The following LINGO2 variants were observed in gnomAD, a reference collection of about 807,000 sequenced individuals.
The protein encoded by LINGO2 is leucine rich repeat and Ig domain containing 2, also known as leucine-rich repeat and immunoglobulin-like domain-containing nogo receptor-interacting protein 2.
LINGO2 carries 14 observed loss-of-function variants against 30.6 expected under a neutral mutation model. That is an observed-to-expected ratio of 0.46 (90% CI 0.30 to 0.72). LINGO2 has a LOEUF of 0.72. Ranked by LOEUF, LINGO2 falls within the 30% of genes least tolerant of loss-of-function variation. The pLI, the probability that LINGO2 is intolerant of heterozygous loss-of-function variation, is 0.07. For missense variants in LINGO2, 729 were observed against 751.7 expected (o/e 0.97, Z 0.35); for synonymous variants, 317 against 288.5 (o/e 1.10, Z -1.00).
chr9:28,019,005 A>G (rs4880009), intron 4 of LINGO2, among the ~76,000 whole-genome samples: 147,514 of 152,156 alleles, frequency 0.97, 71,673 homozygotes, highest in South Asian at 1. Flanking sequence ...GGGGGCCATC[A>G]TCCTAAATGA....
chr9:28,108,959 A>G (rs556784726), intron 4 of LINGO2, among the ~76,000 whole-genome samples: 1 of 151,898 alleles, frequency 6.6e-6, no homozygotes, highest in South Asian at 2.1e-4. Context: ...TATAAAAAAA[A>G]GGAAAACCCT....
intron 2 of LINGO2, among the ~76,000 whole-genome samples, chr9:28,395,463 A>G (rs191729472): frequency 6.6e-6 from 1 of 152,316 alleles, no homozygotes; most frequent in East Asian, 1.9e-4. Flanking sequence ...TGCATAAAGT[A>G]TATTTCAAAA....
the LINGO2 span, among the ~76,000 whole-genome samples, chr9:28,896,435 G>A: frequency 2.0e-5 from 3 of 151,958 alleles, no homozygotes; most frequent in East Asian, 5.8e-4. Context: ...CTATTTCAGA[G>A]TCAAAAGACA....
intron 5 of LINGO2, among the ~76,000 whole-genome samples, chr9:27,962,888 A>C (rs1333125227): frequency 1.3e-5 from 2 of 152,216 alleles, no homozygotes; most frequent in Non-Finnish European, 2.9e-5. Context: ...CTCAAGCACA[A>C]TGATTAGTAC....
the LINGO2 span, among the ~76,000 whole-genome samples, chr9:28,757,027 TTAG>T: frequency 6.6e-6 from 1 of 152,044 alleles, no homozygotes; most frequent in Non-Finnish European, 1.5e-5. Flanking sequence ...ACAGTGATTA[TTAG>T]TAGGATATAA....
At chr9:28,750,013 G>C in the LINGO2 span, among the ~76,000 whole-genome samples, 1 of 152,102 alleles carries the variant, frequency 6.6e-6, no homozygotes, top group Non-Finnish European at 1.5e-5. Context: ...TAGAATAAAT[G>C]GGAAGCTCTT....
chr9:28,248,079 A>G (rs1587320254), intron 4 of LINGO2, among the ~76,000 whole-genome samples: 1 of 152,334 alleles, frequency 6.6e-6, no homozygotes. Flanking sequence ...CAGAGCTACA[A>G]TAAAATCCAG....
chr9:29,190,795 G>A, the LINGO2 span, among the ~76,000 whole-genome samples: 1 of 152,042 alleles, frequency 6.6e-6, no homozygotes, highest in African/African-American at 2.4e-5. Context: ...AACTTTCCAA[G>A]CATTCCAAAT....
chr9:28,424,975 C>G (rs1823344503), intron 2 of LINGO2, among the ~76,000 whole-genome samples: 1 of 151,864 alleles, frequency 6.6e-6, no homozygotes, highest in African/African-American at 2.4e-5. Flanking sequence ...TAATACCTGC[C>G]TTATAAAGCT....
At chr9:29,162,930 A>C in the LINGO2 span, among the ~76,000 whole-genome samples, 1 of 152,150 alleles carries the variant, frequency 6.6e-6, no homozygotes, top group African/African-American at 2.4e-5. Context: ...TTACAAAAAG[A>C]AAATGTCTGG....
the LINGO2 span, among the ~76,000 whole-genome samples, chr9:28,832,646 C>G: frequency 2.0e-5 from 3 of 152,024 alleles, no homozygotes; most frequent in African/African-American, 7.2e-5. Flanking sequence ...TCATATTACT[C>G]AACATAAAAG....
chr9:28,135,170 T>C (rs769143245), intron 4 of LINGO2, among the ~76,000 whole-genome samples: 10 of 152,072 alleles, frequency 6.6e-5, no homozygotes, highest in Non-Finnish European at 1.3e-4. Flanking sequence ...ACAATGAGCA[T>C]ATAAAATCGT....
At chr9:29,186,064 T>G in the LINGO2 span, among the ~76,000 whole-genome samples, 3 of 152,166 alleles carry the variant, frequency 2.0e-5, no homozygotes, top group Non-Finnish European at 1.5e-5. Flanking sequence ...ATTATGATAG[T>G]AAGTTCCCAT....
intron 2 of LINGO2, among the ~76,000 whole-genome samples, chr9:28,386,878 TTG>T (rs1821601606): frequency 6.6e-6 from 1 of 152,218 alleles, no homozygotes; most frequent in Admixed American, 6.5e-5. Flanking sequence ...TCAAGCAGTA[TTG>T]TGTCTACATT....
chr9:29,015,843 C>T, the LINGO2 span, among the ~76,000 whole-genome samples: 2 of 152,264 alleles, frequency 1.3e-5, no homozygotes, highest in East Asian at 3.9e-4. Flanking sequence ...GTCTATGAAA[C>T]ATTTTCTCTA....
chr9:28,760,853 G>T, the LINGO2 span, among the ~76,000 whole-genome samples: 1 of 151,338 alleles, frequency 6.6e-6, no homozygotes, highest in Non-Finnish European at 1.5e-5. Flanking sequence ...TTATGGCTGT[G>T]TAGTATTCCA....
At chr9:29,039,087 A>C in the LINGO2 span, among the ~76,000 whole-genome samples, 2 of 152,158 alleles carry the variant, frequency 1.3e-5, no homozygotes, top group Admixed American at 1.3e-4. Context: ...ACAGCTGTAC[A>C]ACCAGCGGCA....
In LINGO2 at chr9:28,099,231, T is replaced by C. The variant is rs537625999; in HGVS notation, c.-86-86826A>G. Among the ~76,000 whole-genome samples the C allele has an allele frequency of 2.4e-4, 36 of 152,284 alleles. No homozygotes were observed. In the East Asian group the frequency reaches 7.0e-3, roughly 29 times the overall value. ...TAGCCCCTATTGTGTGTCCTGGGAC[T>C]GACTATCAGTGGAGCAAAGCATCTA... On this transcript the variant is annotated intron_variant, in intron 4 of 5. Transcript: ENST00000379992.
chr9:28,880,077 A>C, the LINGO2 span, among the ~76,000 whole-genome samples: 1 of 152,180 alleles, frequency 6.6e-6, no homozygotes, highest in South Asian at 2.1e-4. Flanking sequence ...AATAACTTTG[A>C]ATGAAATTGA....
Sources: gnomAD v4.1 joint callset for allele counts (sites outside exome capture counted in the v4.1 genomes callset) on GRCh38, gnomAD v4.1.1 for gene constraint, MANE v1.5 for transcripts, NCBI Gene and HGNC (gene_info 2026-07-23, HGNC 2026-07-21) for gene names.